PPM1E: variants seen among roughly 807,000 people sequenced by gnomAD.
PPM1E encodes protein phosphatase, Mg2+/Mn2+ dependent 1E.
PPM1E carries 20 observed loss-of-function variants against 65.9 expected under a neutral mutation model. The ratio of observed to expected loss-of-function variants is 0.30; its 90% CI spans 0.21 to 0.44. PPM1E has a LOEUF of 0.44. Ranked by LOEUF, PPM1E falls within the 20% of genes least tolerant of loss-of-function variation. PPM1E has a pLI of 1.00. For missense variants in PPM1E, 713 were observed against 953.1 expected (o/e 0.75, Z 3.32); for synonymous variants, 352 against 374.9 (o/e 0.94, Z 0.70).
intron 2 of PPM1E, among the ~76,000 whole-genome samples, chr17:58,963,366 G>A (rs1366362246): frequency 6.2e-5 from 9 of 144,224 alleles, no homozygotes; most frequent in African/African-American, 1.6e-4. Flanking sequence ...CAGCCTGGGC[G>A]ACAAGAGTGA....
chr17:58,960,840 T>A (rs1425221206), intron 2 of PPM1E, among the ~76,000 whole-genome samples: 3 of 149,968 alleles, frequency 2.0e-5, no homozygotes, highest in Non-Finnish European at 3.0e-5. Flanking sequence ...TAACCAGGAA[T>A]AAAGTGATTA....
intron 1 of PPM1E, among the ~76,000 whole-genome samples, chr17:58,774,975 C>T (rs2144187442): frequency 6.6e-6 from 1 of 152,096 alleles, no homozygotes; most frequent in Middle Eastern, 3.4e-3. Context: ...GCCTCAGCCT[C>T]CTGAGTAGCT....
intron 1 of PPM1E, among the ~76,000 whole-genome samples, chr17:58,842,730 A>C (rs1298870267): frequency 1.3e-5 from 2 of 151,182 alleles, no homozygotes; most frequent in Non-Finnish European, 3.0e-5. Flanking sequence ...CTTGAGGTCA[A>C]GAGTTTGAGA....
chr17:58,756,111 A>C lies in PPM1E; in HGVS notation c.114A>C (p.Glu38Asp), dbSNP rs2049758348. The change falls in exon 1 of 7, where the codon GAA becomes GAC. Residue 38 changes from glutamate (E) to aspartate (D), a missense_variant. Glu to Asp is a conservative substitution (Grantham distance 45). Transcript: ENST00000308249. ...AGCCGGAGCCGGAACCCGAACCCGAACCCGAACCCGAACCCGAGTCCGAGC... is the reference window on the plus strand; with the variant it reads ...AGCCGGAGCCGGAACCCGAACCCGACCCCGAACCCGAACCCGAGTCCGAGC... Reference protein sequence around the residue: ...GGEPEPEPEPEPEPEPESEPE... With the variant: ...GGEPEPEPEPDPEPEPESEPE... The C allele has an allele frequency of 6.2e-7, 1 of 1,605,828 alleles. No homozygotes were observed. The highest frequency in any genetic ancestry group is 8.5e-7 in the Non-Finnish European group (1 of 1,175,890).
chr17:58,825,349 C>T (rs1233833223), intron 1 of PPM1E, among the ~76,000 whole-genome samples: 1 of 151,730 alleles, frequency 6.6e-6, no homozygotes, highest in Non-Finnish European at 1.5e-5. Context: ...ACAGGAGGAT[C>T]TTTTGAGCCC....
At chr17:58,965,326 T>G (rs960591315) in intron 2 of PPM1E, among the ~76,000 whole-genome samples, 2 of 152,098 alleles carry the variant, frequency 1.3e-5, no homozygotes, top group African/African-American at 4.8e-5. Flanking sequence ...CATAGGAGGC[T>G]TGGCTCTCCT....
At chr17:58,825,417 A>G (rs11079357) in intron 1 of PPM1E, among the ~76,000 whole-genome samples, 28,068 of 152,104 alleles carry the variant, frequency 0.18, 2,763 homozygotes, top group Non-Finnish European at 0.21. Flanking sequence ...AAAAATTAAA[A>G]ACAAACAAAA....
intron 4 of PPM1E, 33 bp downstream of exon 4, chr17:58,969,760 A>G (rs776206312): frequency 6.2e-7 from 1 of 1,601,174 alleles, no homozygotes; most frequent in Non-Finnish European, 8.6e-7. Flanking sequence ...CCAGCTAGAA[A>G]TGTACTAGCT....
intron 1 of PPM1E, among the ~76,000 whole-genome samples, chr17:58,772,258 C>T (rs1347048007): frequency 2.0e-5 from 3 of 152,070 alleles, no homozygotes; most frequent in Non-Finnish European, 4.4e-5. Flanking sequence ...GAGATCAAGA[C>T]CATCCTGGCC....
At chr17:58,943,234 G>A (rs185567906) in intron 1 of PPM1E, among the ~76,000 whole-genome samples, 9 of 151,800 alleles carry the variant, frequency 5.9e-5, no homozygotes, top group East Asian at 3.9e-4. Flanking sequence ...TCTCTTCTTC[G>A]CTTTATAGTA....
At chr17:58,805,949 T>TTAAAAAAAAAAAAAAAAA (rs2050301084) in intron 1 of PPM1E, among the ~76,000 whole-genome samples, 1 of 21,680 alleles carries the variant, frequency 4.6e-5, no homozygotes, top group Non-Finnish European at 8.8e-5. Flanking sequence ...GCTGTTCTGC[T>TTAAAAAAAAAAAAAAAAA]AAAAAAAAAA....
intron 1 of PPM1E, among the ~76,000 whole-genome samples, chr17:58,798,525 A>ATTTTTTTTTTTTTTTT (rs78922975): frequency 1.1e-5 from 1 of 89,850 alleles, no homozygotes; most frequent in African/African-American, 4.1e-5. Flanking sequence ...ACACGGCCCT[A>ATTTTTTTTTTTTTTTT]TTTTTTTTTT....
rs377612296 is a variant in PPM1E at position 58,864,363 on chromosome 17, C to T, written c.465-91286C>T. Among the ~76,000 whole-genome samples the T allele has an allele frequency of 5.9e-5, 9 of 152,164 alleles. No individual in the cohort carries two copies. In the East Asian group the frequency reaches 1.4e-3, roughly 23 times the overall value. Reference sequence around the variant, plus strand: ...TAAGATACTGTAGCATAATCTGGTCCGGTGCGGTGGCTCATGCCTGTAATC... The same window carrying T: ...TAAGATACTGTAGCATAATCTGGTCTGGTGCGGTGGCTCATGCCTGTAATC... On this transcript the variant is annotated intron_variant, in intron 1 of 6. Transcript: ENST00000308249.
chr17:58,936,189 C>T (rs2051978197), intron 1 of PPM1E, among the ~76,000 whole-genome samples: 1 of 152,090 alleles, frequency 6.6e-6, no homozygotes. Flanking sequence ...AAGAAAATAG[C>T]TTAAATTCAG....
intron 1 of PPM1E, among the ~76,000 whole-genome samples, chr17:58,776,925 A>G (rs908621733): frequency 6.6e-6 from 1 of 152,192 alleles, no homozygotes; most frequent in Non-Finnish European, 1.5e-5. Flanking sequence ...GGTGGGCTAT[A>G]GGAATCTTTA....
chr17:58,797,179 G>A (rs1035110587), intron 1 of PPM1E, among the ~76,000 whole-genome samples: 3 of 151,980 alleles, frequency 2.0e-5, no homozygotes, highest in African/African-American at 7.2e-5. Context: ...CTCAATGTTT[G>A]TTTATTTTTT....
chr17:58,817,666 C>T (rs895018402), intron 1 of PPM1E, among the ~76,000 whole-genome samples: 12 of 152,058 alleles, frequency 7.9e-5, no homozygotes, highest in Non-Finnish European at 1.5e-4. Context: ...TAGGGACTCC[C>T]AAGCATTCTG....
intron 6 of PPM1E, among the ~76,000 whole-genome samples, chr17:58,977,286 C>T (rs1444979020): frequency 4.0e-5 from 6 of 151,732 alleles, no homozygotes; most frequent in African/African-American, 1.2e-4. Context: ...CTACTAAAAA[C>T]ACAAAAATTA....
intron 1 of PPM1E, among the ~76,000 whole-genome samples, chr17:58,850,256 G>C (rs1313310680): frequency 1.3e-5 from 2 of 152,048 alleles, no homozygotes; most frequent in Admixed American, 1.3e-4. Context: ...TCTTTTAATT[G>C]GAGCATTTAG....
Sources: allele counts gnomAD v4.1 joint callset (sites outside exome capture counted in the v4.1 genomes callset), GRCh38; gene constraint gnomAD v4.1.1; transcripts MANE v1.5; gene names NCBI Gene and HGNC (gene_info 2026-07-23, HGNC 2026-07-21).